PADI2: variants seen among roughly 807,000 people sequenced by gnomAD.
PADI2 encodes the protein peptidyl arginine deiminase 2.
In PADI2, 70 loss-of-function variants were observed where a neutral mutation model predicts 81.1. That is an observed-to-expected ratio of 0.86 (90% confidence interval 0.71 to 1.05). The LOEUF (loss-of-function observed/expected upper bound fraction) is 1.05. Among genes scored for constraint, PADI2 ranks in the 50% least tolerant of loss-of-function variants. The pLI is 0.00. For synonymous variants in PADI2, 338 were observed against 358.0 expected (o/e 0.94, Z 0.63); for missense variants, 853 against 889.9 (o/e 0.96, Z 0.53).
chr1:17,073,956 T>C (rs1035403512), intron 13 of PADI2, among the ~76,000 whole-genome samples: 2 of 152,252 alleles, frequency 1.3e-5, no homozygotes, highest in African/African-American at 2.4e-5. Flanking sequence ...AACCACGATG[T>C]CTGACCATGC....
At chr1:17,116,288 CAGG>C (rs1469697185) in intron 1 of PADI2, among the ~76,000 whole-genome samples, 3 of 152,186 alleles carry the variant, frequency 2.0e-5, no homozygotes, top group Non-Finnish European at 4.4e-5. Flanking sequence ...GCCAGCATCA[CAGG>C]AAAGGGAGTC....
rs1035339510 is a variant in PADI2, at chr1:17,112,208, T to C, written c.92+7072A>G. Among the ~76,000 whole-genome samples, 7 of 151,842 alleles carry C rather than the reference T, an allele frequency of 4.6e-5. No individual in the cohort carries two copies. The East Asian group carries it at 5.9e-4, about 13-fold the overall frequency. On this transcript the variant is annotated intron_variant, in intron 1 of 15. Transcript: ENST00000375486. ...TAGTGGCTGTGGAAATGGAGAGAAATGGCCACTAGGTTGGTGTCAAACAAA... is the reference window on the plus strand; with the variant it reads ...TAGTGGCTGTGGAAATGGAGAGAAACGGCCACTAGGTTGGTGTCAAACAAA...
chr1:17,099,368 A>T lies in PADI2; in HGVS notation c.350-3398T>A, dbSNP rs989613329. On this transcript the variant is annotated intron_variant, in intron 3 of 15. Transcript: ENST00000375486. ...TACTCCTTCCACTGCCAGGACCTCA[A>T]ATAGGGTGGGATTCTTCCTCCCTCC... Among the ~76,000 whole-genome samples the T allele has an allele frequency of 7.2e-5, 11 of 152,214 alleles. No homozygotes were observed. The East Asian group carries it at 1.2e-3, about 16-fold the overall frequency.
Position 17,068,642 on chromosome 1 carries a change from C to T in PADI2, c.*402G>A, listed in dbSNP as rs1386612886. 4.8e-6 allele frequency: 1 copy of T among 210,360 alleles called. No individual in the cohort carries two copies. Among genetic ancestry groups the T allele is most frequent in the African/African-American group, 2.3e-5 (1 of 43,002 alleles). 13.0% of individuals were successfully genotyped at this position (210,360 alleles called of 1,614,324 possible). A position where few individuals can be genotyped will look rare whatever the true frequency, so the allele number is the denominator to read the frequency against. On this transcript the variant is annotated 3_prime_UTR_variant, in exon 16 of 16. Transcript: ENST00000375486. ...CTGGGGTCCCTTTCCATGGATTCTACCTTGATTTTCAGAGCATGGCTGCTG... is the reference window on the plus strand; with the variant it reads ...CTGGGGTCCCTTTCCATGGATTCTATCTTGATTTTCAGAGCATGGCTGCTG...
chr1:17,101,878 GATAATA>G (rs983129499), intron 3 of PADI2, among the ~76,000 whole-genome samples: 2 of 152,190 alleles, frequency 1.3e-5, no homozygotes, highest in African/African-American at 4.8e-5. Context: ...AAATGAGGAT[GATAATA>G]ATAATATCTA....
In PADI2 at chr1:17,092,497, T is replaced by C. The variant is rs769553111; in HGVS notation, c.566A>G (p.Lys189Arg). The change falls in exon 6 of 16, where the codon AAA becomes AGA. Residue 189 changes from lysine (K) to arginine (R), a missense_variant. Transcript: ENST00000375486. ...KDMSQMILRT[K>R]GPDRLPAGYE... ...TCCGGCGGGGAGGCGGTCGGGGCCT[T>C]TGGTCCGCAGGATCATCTGGGACAT... is the stretch of plus-strand genomic sequence containing the variant. The C allele has an allele frequency of 6.2e-7, 1 of 1,604,960 alleles. No individual in the cohort carries two copies. The highest frequency in any genetic ancestry group is 8.5e-7 in the Non-Finnish European group (1 of 1,176,444).
intron 5 of PADI2, among the ~76,000 whole-genome samples, chr1:17,092,808 G>T (rs1045804808): frequency 1.9e-4 from 29 of 151,440 alleles, no homozygotes; most frequent in Non-Finnish European, 3.7e-4. Context: ...AATTAGCCAC[G>T]CATGGTGGCA....
chr1:17,110,341 G>A (rs1557773571), intron 1 of PADI2, among the ~76,000 whole-genome samples: 1 of 152,150 alleles, frequency 6.6e-6, no homozygotes, highest in African/African-American at 2.4e-5. Flanking sequence ...GCCAATCACT[G>A]TGGCCATGTC....
At chr1:17,098,011 C>T (rs535052916) in intron 3 of PADI2, among the ~76,000 whole-genome samples, 3 of 152,262 alleles carry the variant, frequency 2.0e-5, no homozygotes, top group South Asian at 2.1e-4. Flanking sequence ...TGTGTTCTCT[C>T]GGCCACTCCA....
chr1:17,097,401 G>A (rs547926924), intron 3 of PADI2, among the ~76,000 whole-genome samples: 1 of 152,344 alleles, frequency 6.6e-6, no homozygotes, highest in African/African-American at 2.4e-5. Flanking sequence ...CTAGAAGGAG[G>A]CTGCAAGGGC....
intron 8 of PADI2, 59 bp downstream of exon 8, chr1:17,084,540 C>T (rs2078370757): frequency 9.8e-7 from 1 of 1,021,738 alleles, no homozygotes; most frequent in Non-Finnish European, 1.5e-6. Flanking sequence ...TCATGTCCAT[C>T]TGACTCGGCC....
chr1:17,075,272 C>T (rs1280719929), intron 12 of PADI2: 1 of 317,920 alleles, frequency 3.1e-6, no homozygotes, highest in East Asian at 6.8e-5. Flanking sequence ...GAAAGAACCT[C>T]TTTCCAGTGC....
intron 11 of PADI2, 79 bp from the exon 12 acceptor site, chr1:17,075,902 AC>A: frequency 7.1e-7 from 1 of 1,399,888 alleles, no homozygotes; most frequent in Non-Finnish European, 1.0e-6. Flanking sequence ...GGTCTCTGGG[AC>A]CCACCTCGGA....
At chr1:17,086,841 T>C in intron 6 of PADI2, 142 bp from the exon 7 acceptor site, 2 of 662,716 alleles carry the variant, frequency 3.0e-6, no homozygotes, top group Non-Finnish European at 5.2e-6. Flanking sequence ...GCCACCAGAA[T>C]GGCCATGGCT....
intron 3 of PADI2, among the ~76,000 whole-genome samples, chr1:17,102,759 G>GGGC (rs201696172): frequency 6.6e-6 from 1 of 151,036 alleles, no homozygotes; most frequent in Non-Finnish European, 1.5e-5. Context: ...CTTGGGGGGG[G>GGGC]GTTGCTGATG....
chr1:17,087,909 C>T (rs899653263), intron 6 of PADI2, among the ~76,000 whole-genome samples: 6 of 152,348 alleles, frequency 3.9e-5, no homozygotes, highest in Admixed American at 2.6e-4. Flanking sequence ...CAAATGTCTA[C>T]TGAACGAACC....
intron 14 of PADI2, 75 bp downstream of exon 14, chr1:17,071,331 G>A (rs566731935): frequency 9.1e-7 from 1 of 1,097,946 alleles, no homozygotes; most frequent in Non-Finnish European, 1.4e-6. Context: ...CTCTACGGAA[G>A]CCCCAAGGAT....
At chr1:17,071,959 T>C (rs2078267563) in intron 13 of PADI2, among the ~76,000 whole-genome samples, 1 of 152,224 alleles carries the variant, frequency 6.6e-6, no homozygotes, top group African/African-American at 2.4e-5. Flanking sequence ...CGATGGCTTA[T>C]GTGGCTTCCA....
chr1:17,070,991 C>T lies in PADI2; in HGVS notation c.1635+415G>A, dbSNP rs1226342607. ...TTTTTATTTATTTTTTTTGTAGAGA[C>T]AAGTGTCTCACTATGTTGCCCAGGC... is the stretch of plus-strand genomic sequence containing the variant. On this transcript the variant is annotated intron_variant, in intron 14 of 15. Coordinates refer to ENST00000375486, the MANE Select transcript of PADI2 (RefSeq NM_007365.3). 2.0e-5 allele frequency among the ~76,000 whole-genome samples: 3 copies of T among 152,224 alleles called. No individual in the cohort carries two copies. The East Asian group carries it at 5.8e-4, about 29-fold the overall frequency.
Sources: gnomAD v4.1 joint callset for allele counts (sites outside exome capture counted in the v4.1 genomes callset) on GRCh38, gnomAD v4.1.1 for gene constraint, MANE v1.5 for transcripts, NCBI Gene and HGNC (gene_info 2026-07-23, HGNC 2026-07-21) for gene names.